ERBB4: variants seen among roughly 807,000 people sequenced by gnomAD.
ERBB4 encodes the protein receptor tyrosine-protein kinase erbB-4.
A neutral mutation model predicts 158.0 loss-of-function variants in ERBB4; 42 were observed. That is an observed-to-expected ratio of 0.27 (90% CI 0.21 to 0.34). The LOEUF is 0.34. ERBB4 is among the 10% of genes least tolerant of loss of function. ERBB4 has a pLI of 1.00. For synonymous variants in ERBB4, 583 were observed against 558.7 expected, an observed-to-expected ratio of 1.04 and a Z score of -0.61; for missense variants, 1,333 against 1,624.1, an observed-to-expected ratio of 0.82 and a Z score of 3.08.
At chr2:211,424,024 A>G (rs2063569358) in intron 23 of ERBB4, 131 bp downstream of exon 23, 3 of 889,366 alleles carry the variant, frequency 3.4e-6, no homozygotes, top group Non-Finnish European at 5.6e-6. Context: ...AGAGGCGTTC[A>G]TATGTTCCTT....
intron 20 of ERBB4, among the ~76,000 whole-genome samples, chr2:211,473,534 T>C (rs544545253): frequency 6.6e-6 from 1 of 152,222 alleles, no homozygotes; most frequent in African/African-American, 2.4e-5. Flanking sequence ...GAAATCTGTA[T>C]GATATAAGGA....
At chr2:212,483,608 CTT>C (rs1385730144) in intron 1 of ERBB4, among the ~76,000 whole-genome samples, 1 of 152,226 alleles carries the variant, frequency 6.6e-6, no homozygotes, top group Non-Finnish European at 1.5e-5. Context: ...AATGTTTTCT[CTT>C]CTCTTTGTCT....
chr2:212,002,358 G>A (rs2076126317), intron 2 of ERBB4, among the ~76,000 whole-genome samples: 1 of 152,090 alleles, frequency 6.6e-6, no homozygotes, highest in Non-Finnish European at 1.5e-5. Context: ...AGATACAGAA[G>A]TTAGTACAAG....
intron 1 of ERBB4, among the ~76,000 whole-genome samples, chr2:212,240,338 G>T (rs1179403778): frequency 1.3e-5 from 2 of 151,974 alleles, no homozygotes; most frequent in African/African-American, 4.8e-5. Context: ...CTAAGGAAAA[G>T]AATATCCTTA....
At chr2:212,032,962 AC>A (rs765964222) in intron 2 of ERBB4, among the ~76,000 whole-genome samples, 1 of 152,010 alleles carries the variant, frequency 6.6e-6, no homozygotes, top group Non-Finnish European at 1.5e-5. Context: ...AAAACCCAAA[AC>A]AAAATAAAAC....
At chr2:211,580,948 T>G (rs1392966758) in intron 19 of ERBB4, among the ~76,000 whole-genome samples, 3 of 144,248 alleles carry the variant, frequency 2.1e-5, no homozygotes, top group African/African-American at 7.6e-5. Flanking sequence ...AAAATGGAAT[T>G]AATTAATGGC....
chr2:212,313,047 T>C (rs1055270656), intron 1 of ERBB4, among the ~76,000 whole-genome samples: 11 of 150,868 alleles, frequency 7.3e-5, no homozygotes, highest in African/African-American at 2.7e-4. Context: ...TCTTTTCATA[T>C]GGTAAGGACA....
intron 4 of ERBB4, among the ~76,000 whole-genome samples, chr2:211,774,396 G>A (rs2075820052): frequency 6.6e-6 from 1 of 151,994 alleles, no homozygotes; most frequent in South Asian, 2.1e-4. Context: ...TTTTAATATG[G>A]GGATAGTAAG....
chr2:211,748,766 T>C (rs970095122), intron 5 of ERBB4, among the ~76,000 whole-genome samples: 5 of 152,192 alleles, frequency 3.3e-5, no homozygotes, highest in African/African-American at 1.2e-4. Flanking sequence ...ACCTCGGTAG[T>C]TTTTTTCTGC....
chr2:211,931,257 A>T (rs531058535), intron 3 of ERBB4, among the ~76,000 whole-genome samples: 3 of 152,270 alleles, frequency 2.0e-5, no homozygotes, highest in Non-Finnish European at 4.4e-5. Flanking sequence ...ATTTATTTTT[A>T]AAAATGAATC....
At chr2:211,551,450 A>G (rs2067094444) in intron 20 of ERBB4, among the ~76,000 whole-genome samples, 1 of 152,160 alleles carries the variant, frequency 6.6e-6, no homozygotes, top group Non-Finnish European at 1.5e-5. Flanking sequence ...TGTAATTTTA[A>G]TATTTATCTT....
intron 5 of ERBB4, among the ~76,000 whole-genome samples, chr2:211,739,938 G>T (rs7421024): frequency 6.6e-6 from 1 of 152,090 alleles, no homozygotes; most frequent in South Asian, 2.1e-4. Flanking sequence ...ATTTAATTTT[G>T]TGGTTACATA....
chr2:212,169,215 CA>C (rs1265061023), intron 1 of ERBB4, among the ~76,000 whole-genome samples: 1 of 151,646 alleles, frequency 6.6e-6, no homozygotes, highest in Non-Finnish European at 1.5e-5. Context: ...GAAATATGTA[CA>C]AAAATATTTA....
intron 3 of ERBB4, among the ~76,000 whole-genome samples, chr2:211,834,947 A>T (rs1245885184): frequency 6.6e-6 from 1 of 152,150 alleles, no homozygotes. Flanking sequence ...CATATATTTT[A>T]AAACTTTTTT....
chr2:212,535,569 G>A (rs930944490), intron 1 of ERBB4, among the ~76,000 whole-genome samples: 14 of 152,034 alleles, frequency 9.2e-5, no homozygotes, highest in South Asian at 2.1e-4. Flanking sequence ...CCACCTCAAT[G>A]CTACTATACA....
intron 20 of ERBB4, among the ~76,000 whole-genome samples, chr2:211,552,748 T>C (rs961551156): frequency 1.3e-5 from 2 of 152,120 alleles, no homozygotes; most frequent in African/African-American, 4.8e-5. Flanking sequence ...ATATGTATCA[T>C]AAAAAAGCTA....
intron 19 of ERBB4, among the ~76,000 whole-genome samples, chr2:211,571,840 T>C (rs1468661557): frequency 6.6e-6 from 1 of 152,234 alleles, no homozygotes; most frequent in Non-Finnish European, 1.5e-5. Flanking sequence ...GTATTTCAAT[T>C]GCTTTCTCAT....
intron 2 of ERBB4, among the ~76,000 whole-genome samples, chr2:212,048,815 T>C (rs113466761): frequency 6.6e-6 from 1 of 152,232 alleles, no homozygotes; most frequent in Non-Finnish European, 1.5e-5. Flanking sequence ...ACCCTGGGAC[T>C]GGATGAGATC....
chr2:212,048,250 C>T (rs760020958), intron 2 of ERBB4, among the ~76,000 whole-genome samples: 157 of 152,170 alleles, frequency 1.0e-3, no homozygotes, highest in African/African-American at 3.7e-3. Flanking sequence ...TGGAATATGA[C>T]TTTTACTTTA....
Sources: gnomAD v4.1 joint callset for allele counts (sites outside exome capture counted in the v4.1 genomes callset) on GRCh38, gnomAD v4.1.1 for gene constraint, MANE v1.5 for transcripts, NCBI Gene and HGNC (gene_info 2026-07-23, HGNC 2026-07-21) for gene names.